Variants in ELOVL2 observed in about 807,000 individuals in gnomAD.
The protein encoded by ELOVL2 is very long chain fatty acid elongase 2.
ELOVL2 carries 38 observed loss-of-function variants against 37.7 expected under a neutral mutation model. The ratio of observed to expected loss-of-function variants is 1.01; its 90% CI spans 0.78 to 1.32. The LOEUF (loss-of-function observed/expected upper bound fraction) is 1.32. Ranked by LOEUF, ELOVL2 falls within the 40% of genes most tolerant of loss-of-function variation. ELOVL2 has a pLI of 0.00. For synonymous variants in ELOVL2, 115 were observed against 122.3 expected (o/e 0.94, Z 0.40); for missense variants, 352 against 363.6 (o/e 0.97, Z 0.26).
chr6:10,996,374 A>G (rs1782268211), intron 4 of ELOVL2, among the ~76,000 whole-genome samples: 1 of 152,232 alleles, frequency 6.6e-6, no homozygotes, highest in African/African-American at 2.4e-5. Flanking sequence ...AAATCACTAT[A>G]TCTTACTTTA....
At chr6:11,027,206 C>A (rs2113550468) in intron 1 of ELOVL2, among the ~76,000 whole-genome samples, 1 of 152,270 alleles carries the variant, frequency 6.6e-6, no homozygotes, top group Middle Eastern at 3.4e-3. Flanking sequence ...TATAAATCAA[C>A]ATCGATTTTT....
In ELOVL2 at chr6:11,008,766, C is replaced by T. The variant is rs538594034; in HGVS notation, c.67+1980G>A. Among the ~76,000 whole-genome samples the T allele has an allele frequency of 2.6e-5, 4 of 152,258 alleles. No individual in the cohort carries two copies. The South Asian group carries it at 8.3e-4, about 32-fold the overall frequency. ...AGGTTAAATGGAAAAAGCAAAAAAA[C>T]CTATGTGAAAGGATTTTTTCAAAGC... is the stretch of plus-strand genomic sequence containing the variant. On this transcript the variant is annotated intron_variant, in intron 2 of 7. Transcript: ENST00000354666.
rs146089315 is a variant in ELOVL2, at chr6:11,023,372, T to C, written c.4-12563A>G. 4.4e-3 allele frequency among the ~76,000 whole-genome samples: 670 copies of C among 152,334 alleles called. 1 individual carries two copies. Among genetic ancestry groups the C allele is most frequent in the Middle Eastern group, 0.014 (4 of 294 alleles). On this transcript the variant is annotated intron_variant, in intron 1 of 7. Transcript: ENST00000354666. Reference sequence around the variant, plus strand: ...TGTACAAGTGGTATCCTTTTGAATATGAAAACAAAGGAAAGCTTTTAATGA... The same window carrying C: ...TGTACAAGTGGTATCCTTTTGAATACGAAAACAAAGGAAAGCTTTTAATGA...
chr6:10,999,382 T>TC (rs925393671), intron 4 of ELOVL2, among the ~76,000 whole-genome samples: 1 of 146,970 alleles, frequency 6.8e-6, no homozygotes, highest in African/African-American at 2.5e-5. Context: ...AGGAAATGCT[T>TC]TTTTTTTTTT....
At position 11,044,087 on chromosome 6, in the gene ELOVL2, G is replaced by T; in HGVS notation, c.3+141C>A. 9.0e-7 allele frequency: 1 copy of T among 1,107,534 alleles called. No individual in the cohort carries two copies. 68.6% of individuals were successfully genotyped at this position (1,107,534 alleles called of 1,614,324 possible). ...CGCTCCCCAGGCCCGCGCGGACCCG[G>T]CCCCTCCGAGGGTAGCGGGTTCCAG... is the stretch of plus-strand genomic sequence containing the variant. On this transcript the variant is annotated intron_variant, in intron 1 of 7. Transcript: ENST00000354666. This position sits in a 1 kb window ranked among gnomAD's most constrained non-coding sequence, Gnocchi z 5.6.
At chr6:10,991,792 C>T (rs144298768) in intron 5 of ELOVL2, among the ~76,000 whole-genome samples, 347 of 152,298 alleles carry the variant, frequency 2.3e-3, no homozygotes, top group African/African-American at 7.7e-3. Flanking sequence ...CATGACTTTT[C>T]ATTTCCATCA....
At chr6:11,040,456 AC>A (rs201911112) in intron 1 of ELOVL2, among the ~76,000 whole-genome samples, 1,988 of 152,296 alleles carry the variant, frequency 0.013, 18 homozygotes, top group South Asian at 0.019. Context: ...ATGAAAAAAA[AC>A]AATGGAAAAA....
intron 1 of ELOVL2, among the ~76,000 whole-genome samples, chr6:11,037,753 A>G (rs935450141): frequency 1.3e-5 from 2 of 152,336 alleles, no homozygotes; most frequent in South Asian, 2.1e-4. Context: ...ATTAAGTTTG[A>G]TAAGTACATA....
chr6:10,983,623 T>G lies in ELOVL2; in HGVS notation c.*158A>C. On this transcript the variant is annotated 3_prime_UTR_variant, in exon 8 of 8. Coordinates refer to ENST00000354666, the MANE Select transcript of ELOVL2 (RefSeq NM_017770.4). ...TGATCAAAGCATTCAGTTAACAGAT[T>G]AACCTAATAGCAATATATTAATACA... 1 of 809,174 alleles carries G rather than the reference T, an allele frequency of 1.2e-6. No individual in the cohort carries two copies. The highest frequency in any genetic ancestry group is 2.1e-5 in the South Asian group (1 of 47,916). The allele number at this position is 809,174 out of a possible 1,614,324, so 50.1% of individuals were successfully genotyped here.
chr6:10,987,138 G>C (rs988786770), intron 7 of ELOVL2, among the ~76,000 whole-genome samples: 2 of 152,196 alleles, frequency 1.3e-5, no homozygotes. Context: ...TATTTGCATA[G>C]AGGTGTTTGT....
intron 7 of ELOVL2, 40 bp from the exon 8 acceptor site, chr6:10,983,946 T>C: frequency 6.4e-7 from 1 of 1,560,068 alleles, no homozygotes; most frequent in Admixed American, 1.8e-5. Context: ...AATAAAAAGG[T>C]TATTTAATAA....
At chr6:11,002,124 A>G (rs773818434) in intron 3 of ELOVL2, among the ~76,000 whole-genome samples, 1 of 152,166 alleles carries the variant, frequency 6.6e-6, no homozygotes, top group Non-Finnish European at 1.5e-5. Context: ...TTAGAGTGCA[A>G]GCCAAATTCC....
chr6:10,994,117 T>C (rs1321447666), intron 5 of ELOVL2, among the ~76,000 whole-genome samples: 1 of 151,232 alleles, frequency 6.6e-6, no homozygotes, highest in Non-Finnish European at 1.5e-5. Flanking sequence ...GAGCTATGAC[T>C]ACACCACTGC....
intron 1 of ELOVL2, among the ~76,000 whole-genome samples, chr6:11,043,248 G>C (rs1783130883): frequency 6.6e-6 from 1 of 152,108 alleles, no homozygotes; most frequent in Non-Finnish European, 1.5e-5. Flanking sequence ...AGGGGGTGAG[G>C]CAAACACTGA....
chr6:11,040,080 T>G (rs1439970186), intron 1 of ELOVL2, among the ~76,000 whole-genome samples: 1 of 152,016 alleles, frequency 6.6e-6, no homozygotes, highest in Non-Finnish European at 1.5e-5. Context: ...TATTTTCAAG[T>G]AAAAATATGA....
chr6:11,010,882 C>A, intron 1 of ELOVL2, 73 bp from the exon 2 acceptor site: 1 of 1,152,462 alleles, frequency 8.7e-7, no homozygotes, highest in Non-Finnish European at 1.3e-6. Context: ...CAAGCCACTA[C>A]CAACAACATG....
At position 11,010,752 on chromosome 6, in the gene ELOVL2, G is replaced by C; in HGVS notation, c.61C>G (p.Pro21Ala). Residue 21 changes from proline to alanine, a missense_variant, in exon 2 of 8, where the codon CCG becomes GCG. By Grantham distance (27) the Pro-to-Ala change is conservative. Transcript: ENST00000354666. ...INAFLDNMFGPRDSRVRGWFM... is the reference protein window; with the variant it reads ...INAFLDNMFGARDSRVRGWFM... ...TCTCAAGTAATTCACTGACCTCGCG[G>C]TCCAAACATATTGTCCAAAAAAGCA... 6.2e-7 allele frequency: 1 copy of C among 1,612,542 alleles called. No homozygotes were observed. The highest frequency in any genetic ancestry group is 8.5e-7 in the Non-Finnish European group (1 of 1,179,210).
Position 10,995,060 on chromosome 6 carries a change from GCATGATGATATA to G in ELOVL2, c.440_451del (p.Val147_His150del). ...ACACCACCAGATGTTAAACATAGAA[GCATGATGATATA>G]CATGAAGAAAAGTAATCTGACTCGT... is the stretch of plus-strand genomic sequence containing the variant. On this transcript the variant is annotated inframe_deletion, in exon 5 of 8. Coordinates refer to ENST00000354666, the MANE Select transcript of ELOVL2 (RefSeq NM_017770.4). 1 of 1,612,918 alleles carries G rather than the reference GCATGATGATATA, an allele frequency of 6.2e-7. No individual in the cohort carries two copies. The highest frequency in any genetic ancestry group is 8.5e-7 in the Non-Finnish European group (1 of 1,179,058).
chr6:11,044,260 G>T lies in ELOVL2; in HGVS notation c.-30C>A. 2.3e-6 allele frequency: 3 copies of T among 1,327,894 alleles called. 1 individual carries two copies. The highest frequency in any genetic ancestry group is 3.1e-5 in the East Asian group (1 of 32,452). The allele number at this position is 1,327,894 out of a possible 1,614,324, so 82.3% of individuals were successfully genotyped here. A position where few individuals can be genotyped will look rare whatever the true frequency, so the allele number is the denominator to read the frequency against. ...CGCAGCGGCTGTGGCGCGGCGACCC[G>T]GGCGGGCGGCGATGCGCTGTCCAGG... is the stretch of plus-strand genomic sequence containing the variant. On this transcript the variant is annotated 5_prime_UTR_variant, in exon 1 of 8. Transcript: ENST00000354666. This position sits in a 1 kb window ranked among gnomAD's most constrained non-coding sequence, Gnocchi z 5.6.
Sources: gnomAD v4.1 joint callset for allele counts (sites outside exome capture counted in the v4.1 genomes callset) on GRCh38, gnomAD v4.1.1 for gene constraint, Gnocchi (gnomAD v3.1) non-coding constraint, MANE v1.5 for transcripts, NCBI Gene and HGNC (gene_info 2026-07-23, HGNC 2026-07-21) for gene names.